The following PRRX1 variants were observed in gnomAD, a reference collection of about 807,000 sequenced individuals.
PRRX1 encodes the protein paired mesoderm homeobox protein 1.
A neutral mutation model predicts 24.0 loss-of-function variants in PRRX1; 8 were observed. That is an observed-to-expected ratio of 0.33 (90% CI 0.20 to 0.60). The LOEUF (loss-of-function observed/expected upper bound fraction) is 0.60, where lower values mean the gene tolerates loss of function less well. PRRX1 is among the 20% of genes least tolerant of loss of function. PRRX1 has a pLI of 0.82. For synonymous variants in PRRX1, 160 were observed against 131.7 expected (o/e 1.22, Z -1.47); for missense variants, 281 against 322.4 (o/e 0.87, Z 0.98).
rs974475010 is a variant in PRRX1 at position 170,718,632 on chromosome 1, G to A, written c.242-1094G>A. On this transcript the variant is annotated intron_variant, in intron 1 of 3. Transcript: ENST00000239461. ...AGCCTCTTTGGGGAAAAGCTATGGG[G>A]AATGTAAGTCAAGTTCATTAGATGG... Among the ~76,000 whole-genome samples the A allele has an allele frequency of 1.3e-5, 2 of 152,194 alleles. 1 individual carries two copies. Among genetic ancestry groups the A allele is most frequent in the Admixed American group, 1.3e-4 (2 of 15,284 alleles).
In PRRX1 at chr1:170,719,730, C is replaced by T. The variant is rs1203655118; in HGVS notation, c.246C>T (p.Asp82=). Residue 82 remains aspartate, a synonymous_variant, in exon 2 of 4, where the codon GAC becomes GAT. Transcript: ENST00000239461. ...CATCATTGTGTTCTATTCCAGATGA[C>T]CAGCTGAACTCAGAAGAAAAAAAGA... ...SGSDTPQQDN[D]QLNSEEKKKR... is the part of the protein sequence containing the mutation. 8 of 1,613,888 alleles carry T rather than the reference C, an allele frequency of 5.0e-6. No individual in the cohort carries two copies. The highest frequency in any genetic ancestry group is 1.7e-5 in the Admixed American group (1 of 60,002).
intron 1 of PRRX1, among the ~76,000 whole-genome samples, chr1:170,682,541 G>A (rs1653588698): frequency 6.6e-6 from 1 of 152,066 alleles, no homozygotes; most frequent in Admixed American, 6.6e-5. Flanking sequence ...AACAAAGTTG[G>A]AGGCCTAGGT....
intron 1 of PRRX1, among the ~76,000 whole-genome samples, chr1:170,689,838 CCCT>C (rs1653872956): frequency 1.6e-4 from 9 of 55,134 alleles, no homozygotes; most frequent in Non-Finnish European, 2.7e-4. Flanking sequence ...CTCTCTCTCT[CCCT>C]CTCTCTCTCT....
At chr1:170,718,089 C>T (rs2101916276) in intron 1 of PRRX1, among the ~76,000 whole-genome samples, 1 of 152,298 alleles carries the variant, frequency 6.6e-6, no homozygotes, top group East Asian at 1.9e-4. Context: ...GGTATGGTAG[C>T]TTCTTGGCTG....
intron 1 of PRRX1, among the ~76,000 whole-genome samples, chr1:170,711,643 AC>A (rs1558057234): frequency 6.6e-6 from 1 of 152,170 alleles, no homozygotes; most frequent in Non-Finnish European, 1.5e-5. Flanking sequence ...TCTCATGAAA[AC>A]ACTAGTTTCT....
chr1:170,663,825 T>C, upstream of PRRX1: 1 of 172,138 alleles, frequency 5.8e-6, no homozygotes. Flanking sequence ...CTCCCCCTTG[T>C]TATTATTTTT....
At chr1:170,668,779 C>T (rs949853453) in intron 1 of PRRX1, 1 of 152,178 alleles carries the variant, frequency 6.6e-6, no homozygotes, top group Admixed American at 6.5e-5. Flanking sequence ...CAGAAATTTT[C>T]TTATGCAGCA....
chr1:170,723,873 C>T (rs894140654), intron 2 of PRRX1, among the ~76,000 whole-genome samples: 25 of 152,088 alleles, frequency 1.6e-4, no homozygotes, highest in African/African-American at 5.3e-4. Flanking sequence ...TAAGTATTTG[C>T]GTATCTAATC....
At position 170,738,612 on chromosome 1, in the gene PRRX1, C is replaced by T. The variant is rs866962123; in HGVS notation, c.*2426C>T. 1.3e-5 allele frequency: 3 copies of T among 229,062 alleles called. No homozygotes were observed. The highest frequency in any genetic ancestry group is 6.6e-5 in the African/African-American group (3 of 45,130). The allele number at this position is 229,062 out of a possible 1,614,324, so 14.2% of individuals were successfully genotyped here. On this transcript the variant is annotated 3_prime_UTR_variant, in exon 4 of 4. Transcript: ENST00000239461. The stretch of plus-strand genomic sequence containing the variant: ...AGTGAAATGAGTATAATCCAAGTAA[C>T]TGGTGAACTTTGGAGGTTTGGAGCT...
At chr1:170,680,697 C>A (rs970743416) in intron 1 of PRRX1, among the ~76,000 whole-genome samples, 5 of 152,216 alleles carry the variant, frequency 3.3e-5, no homozygotes, top group Admixed American at 3.3e-4. Context: ...TCACGCCTTG[C>A]AGATGCTGGC....
rs898009014 is a variant in PRRX1 at position 170,689,158 on chromosome 1, AT to A, written c.241+24708del. Among the ~76,000 whole-genome samples the A allele has an allele frequency of 1.4e-4, 21 of 151,226 alleles. No homozygotes were observed. In the South Asian group the frequency reaches 2.5e-3, roughly 18 times the overall value. On this transcript the variant is annotated intron_variant, in intron 1 of 3. Transcript: ENST00000239461. ...CTTTGGGCAGTAATAGAGGACCTTT[AT>A]TTTTTTTTCTGTTATTTCAAAAAGA...
At chr1:170,732,190 A>G (rs1368632095) in intron 3 of PRRX1, among the ~76,000 whole-genome samples, 1 of 152,214 alleles carries the variant, frequency 6.6e-6, no homozygotes, top group Non-Finnish European at 1.5e-5. Context: ...GTCATTTTAC[A>G]TGTTCCGAAT....
intron 1 of PRRX1, among the ~76,000 whole-genome samples, chr1:170,712,004 A>T (rs1654767533): frequency 6.6e-6 from 1 of 152,238 alleles, no homozygotes; most frequent in Non-Finnish European, 1.5e-5. Context: ...GTTTTTAGGC[A>T]TATGGCAACC....
chr1:170,718,619 G>A (rs1224124636), intron 1 of PRRX1, among the ~76,000 whole-genome samples: 1 of 152,168 alleles, frequency 6.6e-6, no homozygotes, highest in East Asian at 1.9e-4. Context: ...CCTCTTTGGG[G>A]AAAAGCTATG....
At position 170,738,502 on chromosome 1, in the gene PRRX1, C is replaced by G; in HGVS notation, c.*2316C>G. The stretch of plus-strand genomic sequence containing the variant: ...GCATTACTTGCTTCCTGAAGAGTTC[C>G]CCCATTCATCCATTTGTCCCATTAG... On this transcript the variant is annotated 3_prime_UTR_variant, in exon 4 of 4. Coordinates refer to ENST00000239461, the MANE Select transcript of PRRX1 (RefSeq NM_022716.4). 1 of 228,932 alleles carries G rather than the reference C, an allele frequency of 4.4e-6. No individual in the cohort carries two copies. 14.2% of individuals were successfully genotyped at this position (228,932 alleles called of 1,614,324 possible).
At chr1:170,728,058 G>C (rs551140892) in intron 3 of PRRX1, 1 of 152,234 alleles carries the variant, frequency 6.6e-6, no homozygotes, top group East Asian at 1.9e-4. Context: ...GTTTGAATTT[G>C]GTCACAACCA....
At chr1:170,730,308 G>C (rs753113301) in intron 3 of PRRX1, 11 of 1,612,476 alleles carry the variant, frequency 6.8e-6, no homozygotes, top group Non-Finnish European at 8.5e-6. Context: ...TTGTTTACAC[G>C]AGGGGCTTCA....
intron 1 of PRRX1, among the ~76,000 whole-genome samples, chr1:170,702,668 A>G (rs1654423215): frequency 6.6e-6 from 1 of 152,216 alleles, no homozygotes; most frequent in South Asian, 2.1e-4. Flanking sequence ...CCATTCTTCT[A>G]TCACATGAGC....
chr1:170,715,842 A>T (rs906145493), intron 1 of PRRX1, among the ~76,000 whole-genome samples: 2 of 152,226 alleles, frequency 1.3e-5, no homozygotes, highest in African/African-American at 4.8e-5. Context: ...TATAACAGCT[A>T]GTATGGAAAA....
Sources: allele counts gnomAD v4.1 joint callset (sites outside exome capture counted in the v4.1 genomes callset), GRCh38; gene constraint gnomAD v4.1.1; transcripts MANE v1.5; gene names NCBI Gene and HGNC (gene_info 2026-07-23, HGNC 2026-07-21).